The following AHCYL1 variants were observed in gnomAD, a reference collection of about 807,000 sequenced individuals.
AHCYL1 encodes the protein adenosylhomocysteinase like 1.
AHCYL1 carries 20 observed loss-of-function variants against 79.3 expected under a neutral mutation model. The ratio of observed to expected loss-of-function variants is 0.25; its 90% CI spans 0.18 to 0.37. The LOEUF (loss-of-function observed/expected upper bound fraction) is 0.37, where lower values mean the gene tolerates loss of function less well. Among genes scored for constraint, AHCYL1 ranks in the 10% least tolerant of loss-of-function variants. The pLI is 1.00. For missense variants in AHCYL1, 330 were observed against 673.6 expected, an observed-to-expected ratio of 0.49 and a Z score of 5.65; for synonymous variants, 223 against 242.2, an observed-to-expected ratio of 0.92 and a Z score of 0.74.
intron 5 of AHCYL1, among the ~76,000 whole-genome samples, chr1:110,014,064 G>A (rs192922954): frequency 1.2e-4 from 18 of 151,956 alleles, no homozygotes; most frequent in African/African-American, 3.4e-4. Context: ...GCCTCCCAAA[G>A]TGCTGGGATT....
In AHCYL1 at chr1:110,014,777, G is replaced by A. The variant is rs1240547390; in HGVS notation, c.595G>A (p.Ala199Thr). 6 of 1,614,016 alleles carry A rather than the reference G, an allele frequency of 3.7e-6. No homozygotes were observed. The Admixed American group carries it at 8.3e-5, about 22-fold the overall frequency. The change falls in exon 6 of 17, where the codon GCT becomes ACT. Residue 199 changes from alanine to threonine, a missense_variant. By Grantham distance (58) the Ala-to-Thr change is moderately conservative. Around this residue, in one of 6 missense-constraint regions of AHCYL1, gnomAD observed 25 missense variants for 27.7 expected, o/e 0.90. Coordinates refer to ENST00000369799, the MANE Select transcript of AHCYL1 (RefSeq NM_006621.7). The part of the protein sequence containing the change: ...ALAEAGVAVF[A>T]WKGESEDDFW... ...TGTCTCTACAGGAGTTGCAGTGTTC[G>A]CTTGGAAGGGCGAGTCAGAAGATGA... is the stretch of plus-strand genomic sequence containing the variant.
At chr1:110,021,262 A>C (rs1255595199) in intron 16 of AHCYL1, among the ~76,000 whole-genome samples, 1 of 152,132 alleles carries the variant, frequency 6.6e-6, no homozygotes, top group Admixed American at 6.5e-5. Flanking sequence ...AACAAACAAA[A>C]AAACTGTTCC....
intron 10 of AHCYL1, 85 bp from the exon 11 acceptor site, chr1:110,017,861 G>C (rs1651521403): frequency 1.4e-6 from 2 of 1,388,938 alleles, no homozygotes; most frequent in Non-Finnish European, 2.0e-6. Context: ...GATCCAACTA[G>C]AAGGGGATCT....
intron 1 of AHCYL1, among the ~76,000 whole-genome samples, chr1:110,003,442 G>C (rs576533680): frequency 1.1e-3 from 162 of 152,008 alleles, no homozygotes; most frequent in African/African-American, 3.8e-3. Flanking sequence ...ATTTTTTTAT[G>C]TGCTGAAAAT....
intron 1 of AHCYL1, among the ~76,000 whole-genome samples, chr1:109,994,223 C>G (rs1649907599): frequency 6.6e-6 from 1 of 152,158 alleles, no homozygotes; most frequent in Non-Finnish European, 1.5e-5. Flanking sequence ...AGGCAAGATT[C>G]AGGGGAAAAG....
At chr1:109,996,821 T>C (rs911351898) in intron 1 of AHCYL1, among the ~76,000 whole-genome samples, 1 of 152,158 alleles carries the variant, frequency 6.6e-6, no homozygotes, top group African/African-American at 2.4e-5. Context: ...TGACCAACCT[T>C]CATTACACAG....
At chr1:110,017,278 T>G (rs1651479792) in intron 9 of AHCYL1, among the ~76,000 whole-genome samples, 1 of 152,172 alleles carries the variant, frequency 6.6e-6, no homozygotes, top group South Asian at 2.1e-4. Flanking sequence ...GCCCCAGTCC[T>G]TCCTATGACA....
chr1:110,013,822 A>G (rs1651228648), intron 5 of AHCYL1, among the ~76,000 whole-genome samples: 1 of 141,562 alleles, frequency 7.1e-6, no homozygotes, highest in African/African-American at 2.7e-5. Context: ...TTTTCTTAAG[A>G]TGGAGTCTTA....
intron 1 of AHCYL1, among the ~76,000 whole-genome samples, chr1:109,990,002 T>G (rs188431535): frequency 7.2e-5 from 11 of 152,374 alleles, no homozygotes; most frequent in Admixed American, 5.2e-4. Context: ...AGTAAGCAGT[T>G]AATAAAAATT....
Position 110,021,888 on chromosome 1 carries a change from C to T in AHCYL1, c.*208C>T. The T allele has an allele frequency of 5.7e-6, 3 of 525,862 alleles. No homozygotes were observed. Among genetic ancestry groups the T allele is most frequent in the South Asian group, 5.8e-5 (2 of 34,228 alleles). 32.6% of individuals were successfully genotyped at this position (525,862 alleles called of 1,614,324 possible). Reference sequence around the variant, plus strand: ...TAGATGAAATAGAAGTTCAGGGTTCCTCACTCTAGTCACTAAAGAAGGATT... The same window carrying T: ...TAGATGAAATAGAAGTTCAGGGTTCTTCACTCTAGTCACTAAAGAAGGATT... On this transcript the variant is annotated 3_prime_UTR_variant, in exon 17 of 17. Coordinates refer to ENST00000369799, the MANE Select transcript of AHCYL1 (RefSeq NM_006621.7).
chr1:110,007,265 A>G (rs959549214), intron 1 of AHCYL1, among the ~76,000 whole-genome samples: 1 of 152,094 alleles, frequency 6.6e-6, no homozygotes, highest in Non-Finnish European at 1.5e-5. Flanking sequence ...GTAGCTTCCA[A>G]ATAGAATAGG....
intron 1 of AHCYL1, among the ~76,000 whole-genome samples, chr1:110,003,714 T>A (rs1650460922): frequency 6.6e-6 from 1 of 152,072 alleles, no homozygotes; most frequent in African/African-American, 2.4e-5. Context: ...TATGGACAGG[T>A]CAGGCAACTA....
intron 15 of AHCYL1, among the ~76,000 whole-genome samples, chr1:110,020,380 T>A (rs1323593387): frequency 1.3e-5 from 2 of 152,150 alleles, no homozygotes; most frequent in Non-Finnish European, 2.9e-5. Flanking sequence ...ATAATCTAGT[T>A]AAGGAGGTTG....
chr1:110,007,239 C>A (rs1650711064), intron 1 of AHCYL1, among the ~76,000 whole-genome samples: 1 of 152,088 alleles, frequency 6.6e-6, no homozygotes, highest in African/African-American at 2.4e-5. Context: ...GGGAAGGAAT[C>A]ATAGCAGAGG....
At chr1:110,011,580 T>C (rs1029652574) in intron 3 of AHCYL1, among the ~76,000 whole-genome samples, 7 of 152,242 alleles carry the variant, frequency 4.6e-5, no homozygotes, top group Admixed American at 3.9e-4. Flanking sequence ...CACAGAGTAG[T>C]TTCTGTTTTC....
chr1:109,993,537 T>G (rs1649872832), intron 1 of AHCYL1, among the ~76,000 whole-genome samples: 1 of 152,246 alleles, frequency 6.6e-6, no homozygotes, highest in Non-Finnish European at 1.5e-5. Context: ...TCACTTTCCC[T>G]TTCAGTTGGC....
At position 109,989,252 on chromosome 1, in the gene AHCYL1, T is replaced by G. The variant is rs1366301069; in HGVS notation, c.120+4080T>G. Among the ~76,000 whole-genome samples the G allele has an allele frequency of 2.0e-5, 3 of 152,246 alleles. No homozygotes were observed. The East Asian group carries it at 5.8e-4, about 29-fold the overall frequency. On this transcript the variant is annotated intron_variant, in intron 1 of 16. Coordinates refer to ENST00000369799, the MANE Select transcript of AHCYL1 (RefSeq NM_006621.7). ...CATTTAGCTTGTAACAGAAATCTGT[T>G]AGAAGATTTCTAGATCAGTAGTTGT...
At chr1:110,006,650 A>G (rs1406222970) in intron 1 of AHCYL1, among the ~76,000 whole-genome samples, 2 of 152,246 alleles carry the variant, frequency 1.3e-5, no homozygotes. Context: ...AAACAGAGCT[A>G]CTAGCTGTGA....
chr1:110,018,864 T>A, intron 13 of AHCYL1, 187 bp from the exon 14 acceptor site: 1 of 727,674 alleles, frequency 1.4e-6, no homozygotes, highest in Non-Finnish European at 2.3e-6. Flanking sequence ...GCTGATTCTT[T>A]AACCTTTCAG....
Sources: allele counts gnomAD v4.1 joint callset (sites outside exome capture counted in the v4.1 genomes callset), GRCh38; gene constraint gnomAD v4.1.1; regional missense constraint gnomAD v4.1.1; transcripts MANE v1.5; gene names NCBI Gene and HGNC (gene_info 2026-07-23, HGNC 2026-07-21).